Variants in TMEM132C observed in about 807,000 individuals in gnomAD.
TMEM132C encodes the protein transmembrane protein 132C.
In TMEM132C, 29 loss-of-function variants were observed where a neutral mutation model predicts 61.4. The ratio of observed to expected loss-of-function variants is 0.47; its 90% confidence interval spans 0.35 to 0.64. The LOEUF (loss-of-function observed/expected upper bound fraction) is 0.64, where lower values mean the gene tolerates loss of function less well. Ranked by LOEUF, TMEM132C falls within the 30% of genes least tolerant of loss-of-function variation. TMEM132C has a pLI of 0.00. For missense variants in TMEM132C, 1,408 were observed against 1,476.9 expected (o/e 0.95, Z 0.76); for synonymous variants, 656 against 633.1 (o/e 1.04, Z -0.54).
At chr12:128,447,428 T>C (rs1870019832) in intron 2 of TMEM132C, among the ~76,000 whole-genome samples, 1 of 152,186 alleles carries the variant, frequency 6.6e-6, no homozygotes, top group South Asian at 2.1e-4. Flanking sequence ...AAAACAAATG[T>C]TTATGAAAGA....
chr12:128,343,578 A>AT (rs1379116569), intron 1 of TMEM132C, among the ~76,000 whole-genome samples: 1 of 152,096 alleles, frequency 6.6e-6, no homozygotes, highest in Non-Finnish European at 1.5e-5. Context: ...CCACTAAATC[A>AT]TTTTTTTCTT....
chr12:128,383,038 G>C (rs1482807306), intron 1 of TMEM132C, among the ~76,000 whole-genome samples: 2 of 152,066 alleles, frequency 1.3e-5, no homozygotes. Flanking sequence ...GCATGTCTGT[G>C]TGTGTGCACG....
intron 2 of TMEM132C, among the ~76,000 whole-genome samples, chr12:128,535,793 G>A (rs960903051): frequency 2.6e-5 from 4 of 151,934 alleles, no homozygotes; most frequent in Non-Finnish European, 4.4e-5. Context: ...GCATGAACCC[G>A]GGAGGCAGAG....
chr12:128,632,604 A>C (rs571505692), intron 4 of TMEM132C, among the ~76,000 whole-genome samples: 1 of 152,200 alleles, frequency 6.6e-6, no homozygotes, highest in Non-Finnish European at 1.5e-5. Flanking sequence ...CCGACTACGA[A>C]AATGGGAAGA....
chr12:128,455,373 G>A (rs1225414974), intron 2 of TMEM132C, among the ~76,000 whole-genome samples: 3 of 152,232 alleles, frequency 2.0e-5, no homozygotes, highest in Non-Finnish European at 2.9e-5. Context: ...GGAGGCAAGT[G>A]CATGCTTTGC....
chr12:128,345,465 C>T (rs1296071216), intron 1 of TMEM132C, among the ~76,000 whole-genome samples: 3 of 152,162 alleles, frequency 2.0e-5, no homozygotes, highest in African/African-American at 4.8e-5. Context: ...ATCTTCAGGT[C>T]TTTGAGGAAT....
intron 4 of TMEM132C, among the ~76,000 whole-genome samples, chr12:128,629,063 G>A (rs1031432542): frequency 6.6e-6 from 1 of 152,152 alleles, no homozygotes; most frequent in African/African-American, 2.4e-5. Context: ...ATGTCTGTGT[G>A]GATGCAAGGG....
At chr12:128,345,108 C>T (rs1873110309) in intron 1 of TMEM132C, among the ~76,000 whole-genome samples, 1 of 151,978 alleles carries the variant, frequency 6.6e-6, no homozygotes, top group Admixed American at 6.6e-5. Flanking sequence ...GTTTTCCCCC[C>T]ATGTATTCTC....
chr12:128,580,281 C>G (rs183828753), intron 3 of TMEM132C, among the ~76,000 whole-genome samples: 8,056 of 151,910 alleles, frequency 0.053, 604 homozygotes, highest in African/African-American at 0.17. Context: ...ATTAGCCGGA[C>G]GTGGTGGCGG....
chr12:128,705,745 G>A lies in TMEM132C; in HGVS notation c.2777G>A (p.Gly926Glu). Residue 926 changes from glycine to glutamate, a missense_variant, in exon 9 of 9, where the codon GGG (glycine) becomes GAG (glutamate). Coordinates refer to ENST00000435159, the MANE Select transcript of TMEM132C (RefSeq NM_001136103.3). The part of the protein sequence containing the change: ...TPRGLSDLEI[G>E]MYALLGVFCL... ...CGGGGCCTGAGTGATCTGGAGATAG[G>A]GATGTACGCCCTCCTGGGGGTGTTC... 1 of 1,551,474 alleles carries A rather than the reference G, an allele frequency of 6.4e-7. No individual in the cohort carries two copies. Among genetic ancestry groups the A allele is most frequent in the South Asian group, 1.2e-5 (1 of 84,064 alleles).
intron 1 of TMEM132C, among the ~76,000 whole-genome samples, chr12:128,393,243 C>G (rs1472741526): frequency 1.3e-5 from 2 of 152,206 alleles, no homozygotes; most frequent in Non-Finnish European, 2.9e-5. Flanking sequence ...TCACTTGCAG[C>G]TAATCCAGGG....
Position 128,302,683 on chromosome 12 carries a change from A to G in TMEM132C, c.85+35196A>G, listed in dbSNP as rs990683881. Among the ~76,000 whole-genome samples, 8 of 152,240 alleles carry G rather than the reference A, an allele frequency of 5.3e-5. No individual in the cohort carries two copies. The East Asian group carries it at 5.8e-4, about 11-fold the overall frequency. Reference sequence around the variant, plus strand: ...GTGGCAAGTATTAAGAGACACAGATACTTCTTTGGAGCAGCTTGTAAGGGA... The same window carrying G: ...GTGGCAAGTATTAAGAGACACAGATGCTTCTTTGGAGCAGCTTGTAAGGGA... On this transcript the variant is annotated intron_variant, in intron 1 of 8. Coordinates refer to ENST00000435159, the MANE Select transcript of TMEM132C (RefSeq NM_001136103.3).
chr12:128,599,727 A>G (rs1439842649), intron 3 of TMEM132C, among the ~76,000 whole-genome samples: 1 of 152,218 alleles, frequency 6.6e-6, no homozygotes, highest in Non-Finnish European at 1.5e-5. Flanking sequence ...CATGCAGCCA[A>G]GGTTGAGGAC....
At chr12:128,454,998 T>G (rs965411091) in intron 2 of TMEM132C, among the ~76,000 whole-genome samples, 1 of 152,220 alleles carries the variant, frequency 6.6e-6, no homozygotes, top group Non-Finnish European at 1.5e-5. Flanking sequence ...TCAGATACTG[T>G]ATGCTGATTT....
chr12:128,557,916 G>A (rs78534562), intron 3 of TMEM132C, among the ~76,000 whole-genome samples: 6,101 of 152,296 alleles, frequency 0.04, 384 homozygotes, highest in African/African-American at 0.14. Flanking sequence ...GCAATATGGC[G>A]CCACAAATAA....
intron 5 of TMEM132C, among the ~76,000 whole-genome samples, chr12:128,672,747 C>T (rs11059821): frequency 0.099 from 15,081 of 152,194 alleles, 898 homozygotes; most frequent in East Asian, 0.18. Flanking sequence ...TAGTTGGGTA[C>T]AGCTCAGAAT....
At position 128,415,543 on chromosome 12, in the gene TMEM132C, G is replaced by A. The variant is rs1264515263; in HGVS notation, c.897G>A (p.Arg299=). The A allele has an allele frequency of 6.4e-7, 1 of 1,551,372 alleles. No homozygotes were observed. Among genetic ancestry groups the A allele is most frequent in the African/African-American group, 1.4e-5 (1 of 73,142 alleles). ...DGNVVIWLPS[R]PVKQGEVVTA... Reference sequence around the variant, plus strand: ...ACGTGGTCATCTGGCTGCCTTCCAGGCCAGTCAAGCAGGGAGAGGTGGTCA... The same window carrying A: ...ACGTGGTCATCTGGCTGCCTTCCAGACCAGTCAAGCAGGGAGAGGTGGTCA... Residue 299 remains arginine, a synonymous_variant, in exon 2 of 9, where the codon AGG becomes AGA. Coordinates refer to ENST00000435159, the MANE Select transcript of TMEM132C (RefSeq NM_001136103.3). The surrounding 1 kb of genome is among the most constrained non-coding windows in gnomAD (Gnocchi z 5.8).
chr12:128,508,511 T>C (rs1474342788), intron 2 of TMEM132C, among the ~76,000 whole-genome samples: 4 of 152,212 alleles, frequency 2.6e-5, no homozygotes, highest in Non-Finnish European at 5.9e-5. Context: ...TCCTGCTGCC[T>C]GGGCTCAGTG....
At chr12:128,320,492 G>A (rs1872295663) in intron 1 of TMEM132C, among the ~76,000 whole-genome samples, 1 of 152,126 alleles carries the variant, frequency 6.6e-6, no homozygotes, top group African/African-American at 2.4e-5. Context: ...ATGGCCAGGT[G>A]CAAGGGCTCA....
Sources: gnomAD v4.1 joint callset for allele counts (sites outside exome capture counted in the v4.1 genomes callset) on GRCh38, gnomAD v4.1.1 for gene constraint, Gnocchi (gnomAD v3.1) non-coding constraint, MANE v1.5 for transcripts, NCBI Gene and HGNC (gene_info 2026-07-23, HGNC 2026-07-21) for gene names.